FAM114A1: variants seen among roughly 807,000 people sequenced by gnomAD.
FAM114A1 encodes the protein protein NOXP20.
A neutral mutation model predicts 64.3 loss-of-function variants in FAM114A1; 62 were observed. That is an observed-to-expected ratio of 0.96 (90% confidence interval 0.79 to 1.19). The LOEUF is 1.19. Among genes scored for constraint, FAM114A1 ranks in the 50% most tolerant of loss-of-function variants. FAM114A1 has a pLI of 0.00. For synonymous variants in FAM114A1, 254 were observed against 251.1 expected (o/e 1.01, Z -0.11); for missense variants, 645 against 676.3 (o/e 0.95, Z 0.51).
At chr4:38,893,314 A>C (rs1326096828) in intron 4 of FAM114A1, among the ~76,000 whole-genome samples, 1 of 152,276 alleles carries the variant, frequency 6.6e-6, no homozygotes, top group Non-Finnish European at 1.5e-5. Context: ...GTCATGAAAA[A>C]GTAAATAATA....
chr4:38,878,392 G>T lies in FAM114A1; in HGVS notation c.314G>T (p.Arg105Ile). 1 of 1,605,878 alleles carries T rather than the reference G, an allele frequency of 6.2e-7. No individual in the cohort carries two copies. The highest frequency in any genetic ancestry group is 8.5e-7 in the Non-Finnish European group (1 of 1,175,482). Reference protein sequence around the residue: ...IDSVSLEAEPRSEIPLQEQNY... With the variant: ...IDSVSLEAEPISEIPLQEQNY... Reference sequence around the variant, plus strand: ...TCCGTCAGCCTTGAGGCAGAACCCAGATCCGAAATACCCCTGCAAGAACAG... The same window carrying T: ...TCCGTCAGCCTTGAGGCAGAACCCATATCCGAAATACCCCTGCAAGAACAG... Residue 105 changes from arginine (R) to isoleucine (I), a missense_variant, in exon 3 of 15, where the codon AGA becomes ATA. By Grantham distance (97) the Arg-to-Ile change is moderately conservative. Transcript: ENST00000358869.
In FAM114A1 at chr4:38,932,325, G is replaced by A; in HGVS notation, c.1414G>A (p.Gly472Arg). The A allele has an allele frequency of 1.9e-6, 3 of 1,613,168 alleles. No homozygotes were observed. The highest frequency in any genetic ancestry group is 1.1e-5 in the South Asian group (1 of 90,792). Residue 472 changes from glycine (G) to arginine (R), a missense_variant, in exon 12 of 15, where the codon GGA becomes AGA. By Grantham distance (125) the Gly-to-Arg change is moderately radical. Transcript: ENST00000358869. Reference sequence around the variant, plus strand: ...TAAAGTAGCAGAATTAATTCTTCATGGACAAGAAGAGGAAAAACCAGCTCA... The same window carrying A: ...TAAAGTAGCAGAATTAATTCTTCATAGACAAGAAGAGGAAAAACCAGCTCA... ...LHKVAELILH[G>R]QEEEKPAQDQ...
Position 38,944,888 on chromosome 4 carries a change from T to C in FAM114A1, c.*1331T>C, listed in dbSNP as rs562817155. 4.6e-5 allele frequency: 7 copies of C among 152,154 alleles called. No individual in the cohort carries two copies. The highest frequency in any genetic ancestry group is 1.3e-4 in the Admixed American group (2 of 15,268). 9.4% of individuals were successfully genotyped at this position (152,154 alleles called of 1,614,324 possible). A position where few individuals can be genotyped will look rare whatever the true frequency, so the allele number is the denominator to read the frequency against. On this transcript the variant is annotated 3_prime_UTR_variant, in exon 15 of 15. Transcript: ENST00000358869. ...AAACCGGTCCCTGGTACCAGAAAGG[T>C]TGGGGACCACTGGCTTAAAATACCA...
At chr4:38,926,224 T>A (rs541673667) in intron 9 of FAM114A1, among the ~76,000 whole-genome samples, 1 of 152,324 alleles carries the variant, frequency 6.6e-6, no homozygotes, top group Non-Finnish European at 1.5e-5. Flanking sequence ...CTGGGTAGAA[T>A]CCATGCCTTC....
intron 3 of FAM114A1, among the ~76,000 whole-genome samples, chr4:38,882,877 C>T (rs149113150): frequency 1.8e-4 from 27 of 152,322 alleles, no homozygotes; most frequent in Non-Finnish European, 3.7e-4. Flanking sequence ...TGGGGTGTTG[C>T]GACTAGCAGG....
At chr4:38,931,288 AGGTTATCTTTTTCGG>A (rs1249377732) in intron 10 of FAM114A1, among the ~76,000 whole-genome samples, 148 bp from the exon 11 acceptor site, 1 of 152,180 alleles carries the variant, frequency 6.6e-6, no homozygotes, top group Non-Finnish European at 1.5e-5. Context: ...AGCAACAACA[AGGTTATCTTTTTCGG>A]GGGTTGAAAA....
chr4:38,943,710 T>C lies in FAM114A1; in HGVS notation c.*153T>C. On this transcript the variant is annotated 3_prime_UTR_variant, in exon 15 of 15. Coordinates refer to ENST00000358869, the MANE Select transcript of FAM114A1 (RefSeq NM_138389.4). Reference sequence around the variant, plus strand: ...ACAGACAATATTGAGAATGCAAATTTAGAGAGAGTTATCATTTCTCTCAAT... The same window carrying C: ...ACAGACAATATTGAGAATGCAAATTCAGAGAGAGTTATCATTTCTCTCAAT... 1.9e-6 allele frequency: 1 copy of C among 534,394 alleles called. No individual in the cohort carries two copies. Among genetic ancestry groups the C allele is most frequent in the African/African-American group, 1.9e-5 (1 of 53,484 alleles). The allele number at this position is 534,394 out of a possible 1,614,324, so 33.1% of individuals were successfully genotyped here.
chr4:38,874,454 C>T (rs993199080), intron 2 of FAM114A1, among the ~76,000 whole-genome samples: 3 of 152,092 alleles, frequency 2.0e-5, no homozygotes, highest in Admixed American at 1.3e-4. Flanking sequence ...TTGTTGGCCA[C>T]CTATATGTTT....
chr4:38,905,029 G>T (rs760740750), intron 4 of FAM114A1, among the ~76,000 whole-genome samples: 6 of 152,184 alleles, frequency 3.9e-5, no homozygotes, highest in Non-Finnish European at 8.8e-5. Flanking sequence ...CATTCAACCA[G>T]GCAGGGGTGA....
chr4:38,887,332 G>A (rs1715920655), intron 3 of FAM114A1, among the ~76,000 whole-genome samples: 1 of 152,148 alleles, frequency 6.6e-6, no homozygotes, highest in African/African-American at 2.4e-5. Flanking sequence ...CACTTTCAAG[G>A]TACTTTTGGT....
At chr4:38,932,593 C>G (rs1720745507) in intron 12 of FAM114A1, among the ~76,000 whole-genome samples, 1 of 152,158 alleles carries the variant, frequency 6.6e-6, no homozygotes, top group African/African-American at 2.4e-5. Context: ...AACTCCTGGG[C>G]TCACGTGACC....
At chr4:38,927,845 G>A (rs1191542830) in intron 9 of FAM114A1, among the ~76,000 whole-genome samples, 4 of 152,186 alleles carry the variant, frequency 2.6e-5, no homozygotes, top group African/African-American at 4.8e-5. Flanking sequence ...CTCCGCGCCC[G>A]GTTAATTTTT....
At chr4:38,925,064 T>C (rs1719981674) in intron 9 of FAM114A1, among the ~76,000 whole-genome samples, 1 of 152,250 alleles carries the variant, frequency 6.6e-6, no homozygotes, top group Non-Finnish European at 1.5e-5. Flanking sequence ...TGATGTGTTC[T>C]AGTCTTAGTG....
At chr4:38,910,967 A>T (rs1487401125) in intron 7 of FAM114A1, among the ~76,000 whole-genome samples, 1 of 152,222 alleles carries the variant, frequency 6.6e-6, no homozygotes, top group Non-Finnish European at 1.5e-5. Context: ...AAGAAGTGAC[A>T]GAATCTGATT....
intron 10 of FAM114A1, among the ~76,000 whole-genome samples, chr4:38,931,052 C>T (rs1027896038): frequency 5.9e-5 from 9 of 152,070 alleles, no homozygotes; most frequent in African/African-American, 1.9e-4. Context: ...TTGCTGTAGC[C>T]GCGGCCCCAT....
intron 3 of FAM114A1, among the ~76,000 whole-genome samples, chr4:38,879,421 A>G (rs547489345): frequency 2.0e-4 from 30 of 152,208 alleles, no homozygotes; most frequent in Non-Finnish European, 3.4e-4. Context: ...AGCTTGGGCC[A>G]GACAAACTAA....
chr4:38,889,184 A>T (rs1716091122), intron 3 of FAM114A1, among the ~76,000 whole-genome samples: 1 of 152,152 alleles, frequency 6.6e-6, no homozygotes, highest in African/African-American at 2.4e-5. Flanking sequence ...AATTGTATTA[A>T]CTCTTCCTAA....
chr4:38,893,746 C>G (rs1007281976), intron 4 of FAM114A1, among the ~76,000 whole-genome samples: 3 of 152,204 alleles, frequency 2.0e-5, no homozygotes, highest in African/African-American at 7.2e-5. Context: ...TCTTAGGTGT[C>G]TTGCTATAAT....
At chr4:38,921,731 C>G (rs929052567) in intron 8 of FAM114A1, among the ~76,000 whole-genome samples, 4 of 152,310 alleles carry the variant, frequency 2.6e-5, no homozygotes, top group Middle Eastern at 6.8e-3. Flanking sequence ...TAGTGCTTCC[C>G]TCCACTGTAC....
Sources: gnomAD v4.1 joint callset for allele counts (sites outside exome capture counted in the v4.1 genomes callset) on GRCh38, gnomAD v4.1.1 for gene constraint, MANE v1.5 for transcripts, NCBI Gene and HGNC (gene_info 2026-07-23, HGNC 2026-07-21) for gene names.